Variants in CACNA1B observed in about 807,000 individuals in gnomAD.
CACNA1B encodes the protein calcium voltage-gated channel subunit alpha1 B.
CACNA1B carries 70 observed loss-of-function variants against 247.2 expected under a neutral mutation model. The observed-to-expected ratio is 0.28, with a 90% CI of 0.23 to 0.35. CACNA1B has a LOEUF of 0.35. CACNA1B is among the 10% of genes least tolerant of loss of function. The pLI is 1.00. For missense variants in CACNA1B, 2,367 were observed against 3,197.4 expected, an observed-to-expected ratio of 0.74 and a Z score of 6.26; for synonymous variants, 1,231 against 1,294.4, an observed-to-expected ratio of 0.95 and a Z score of 1.05.
chr9:138,101,245 A>G (rs764897468), intron 37 of CACNA1B: 7 of 501,552 alleles, frequency 1.4e-5, no homozygotes, highest in South Asian at 8.9e-5. Context: ...CCCTGCCCGA[A>G]ACGCACACAG....
rs1958184891 is a variant in CACNA1B at position 137,973,790 on chromosome 9, G to A, written c.1544-2117G>A. ...CTCAGAGTGGAGGCTGAGTATGTGAGGCTGAGGGCCTCTGTTCCTAGGGAG... is the reference window on the plus strand; with the variant it reads ...CTCAGAGTGGAGGCTGAGTATGTGAAGCTGAGGGCCTCTGTTCCTAGGGAG... On this transcript the variant is annotated intron_variant, in intron 11 of 46. Transcript: ENST00000371372. This position sits in a 1 kb window ranked among gnomAD's most constrained non-coding sequence, Gnocchi z 4.1. Among the ~76,000 whole-genome samples the A allele has an allele frequency of 6.6e-6, 1 of 152,214 alleles. No homozygotes were observed. Among genetic ancestry groups the A allele is most frequent in the Admixed American group, 6.5e-5 (1 of 15,288 alleles).
Position 138,054,572 on chromosome 9 carries a change from A to G in CACNA1B, c.3968+566A>G. On this transcript the variant is annotated intron_variant, in intron 26 of 46. Transcript: ENST00000371372. This position sits in a 1 kb window ranked among gnomAD's most constrained non-coding sequence, Gnocchi z 4.6. ...GCGTCCCAGCTGCTTCTGTGTGAAT[A>G]TCATGCAGCTTCCTCCTGTGCCGTG... 6.6e-6 allele frequency among the ~76,000 whole-genome samples: 1 copy of G among 152,254 alleles called. No individual in the cohort carries two copies. The highest frequency in any genetic ancestry group is 1.5e-5 in the Non-Finnish European group (1 of 68,044).
At position 137,955,785 on chromosome 9, in the gene CACNA1B, C is replaced by T. The variant is rs540276648; in HGVS notation, c.1158C>T (p.Asn386=). Residue 386 remains asparagine, a synonymous_variant, in exon 8 of 47, where the codon AAC becomes AAT. Coordinates refer to ENST00000371372, the MANE Select transcript of CACNA1B (RefSeq NM_000718.4). This position sits in a 1 kb window ranked among gnomAD's most constrained non-coding sequence, Gnocchi z 6.9. The part of the protein sequence containing the change: ...RRQQQIEREL[N]GYLEWIFKAE... ...AGCAGCAGATCGAGCGAGAGCTCAA[C>T]GGGTACCTGGAGTGGATCTTCAAGG... 4.3e-6 allele frequency: 7 copies of T among 1,610,670 alleles called. No individual in the cohort carries two copies. Among genetic ancestry groups the T allele is most frequent in the East Asian group, 2.2e-5 (1 of 44,734 alleles).
chr9:137,916,453 ACCC>A, intron 5 of CACNA1B, among the ~76,000 whole-genome samples: 1 of 151,790 alleles, frequency 6.6e-6, no homozygotes, highest in African/African-American at 2.4e-5. Context: ...TCTTTCTTTA[ACCC>A]CTCTTTCTCT....
chr9:138,032,134 A>G (rs761878028), intron 20 of CACNA1B, among the ~76,000 whole-genome samples: 5 of 151,292 alleles, frequency 3.3e-5, no homozygotes, highest in Admixed American at 6.6e-5. Context: ...TTTTATCTGT[A>G]GTATTTTTGA....
intron 3 of CACNA1B, among the ~76,000 whole-genome samples, chr9:137,897,221 G>A (rs1957182892): frequency 6.6e-6 from 1 of 151,794 alleles, no homozygotes; most frequent in Non-Finnish European, 1.5e-5. Context: ...CTGTTCTTGT[G>A]GCAAGAGCTT....
rs202018717 is a variant in CACNA1B, at chr9:138,115,624, G to A, written c.5722G>A (p.Ala1908Thr). ...EQTQPAVLRG[A>T]RVFLRQKSST... ...GACACAGCCGGCTGTGCTCCGAGGA[G>A]CCCGGGTTTTCCTTCGACAGAAGAG... The change falls in exon 42 of 47, where the codon GCC becomes ACC. Residue 1908 changes from alanine to threonine, a missense_variant. By Grantham distance (58) the Ala-to-Thr change is moderately conservative. Coordinates refer to ENST00000371372, the MANE Select transcript of CACNA1B (RefSeq NM_000718.4). 6.2e-6 allele frequency: 10 copies of A among 1,613,826 alleles called. No individual in the cohort carries two copies. In the East Asian group the frequency reaches 1.8e-4, roughly 29 times the overall value.
At chr9:137,931,066 A>C (rs1325119384) in intron 6 of CACNA1B, among the ~76,000 whole-genome samples, 1 of 152,120 alleles carries the variant, frequency 6.6e-6, no homozygotes, top group Non-Finnish European at 1.5e-5. Flanking sequence ...AATCTTCTAC[A>C]TTAGATGGTA....
intron 31 of CACNA1B, among the ~76,000 whole-genome samples, chr9:138,065,907 C>T (rs1959899660): frequency 6.6e-6 from 1 of 152,122 alleles, no homozygotes; most frequent in African/African-American, 2.4e-5. Context: ...CTACAGCACA[C>T]CAGGAGTTAC....
At position 137,992,891 on chromosome 9, in the gene CACNA1B, C is replaced by T. The variant is rs554547284; in HGVS notation, c.1974+6037C>T. ...TCAACTCCAAAGGCACCCACAAAAC[C>T]AGGCAAATACAGGGAAATTAAGCAA... is the stretch of plus-strand genomic sequence containing the variant. On this transcript the variant is annotated intron_variant, in intron 15 of 46. Transcript: ENST00000371372. 3.8e-4 allele frequency among the ~76,000 whole-genome samples: 58 copies of T among 152,024 alleles called. 1 individual carries two copies. The South Asian group carries it at 0.011, about 30-fold the overall frequency.
rs955806616 is a variant in CACNA1B, at chr9:137,899,596, G to A, written c.531-13584G>A. On this transcript the variant is annotated intron_variant, in intron 3 of 46. Coordinates refer to ENST00000371372, the MANE Select transcript of CACNA1B (RefSeq NM_000718.4). This position sits in a 1 kb window ranked among gnomAD's most constrained non-coding sequence, Gnocchi z 5.0. ...TTCTTGGCCTGTTAGAGCAGGGACT[G>A]GGGTGGGGAGGCCGAGGGGATGCTG... Among the ~76,000 whole-genome samples the A allele has an allele frequency of 2.6e-5, 4 of 152,206 alleles. No homozygotes were observed. Among genetic ancestry groups the A allele is most frequent in the African/African-American group, 9.6e-5 (4 of 41,456 alleles).
intron 31 of CACNA1B, among the ~76,000 whole-genome samples, chr9:138,066,770 A>G (rs1304624130): frequency 6.6e-6 from 1 of 152,234 alleles, no homozygotes; most frequent in African/African-American, 2.4e-5. Context: ...TACAGCCTTA[A>G]TGTTTATATT....
chr9:137,902,976 T>C (rs966737525), intron 3 of CACNA1B, among the ~76,000 whole-genome samples: 8 of 152,284 alleles, frequency 5.3e-5, no homozygotes, highest in Non-Finnish European at 7.3e-5. Context: ...GGTTATTTCC[T>C]ATTTTGCTTT....
At chr9:137,889,289 A>G (rs1588982368) in intron 3 of CACNA1B, among the ~76,000 whole-genome samples, 1 of 149,948 alleles carries the variant, frequency 6.7e-6, no homozygotes, top group Admixed American at 6.6e-5. Context: ...GAGGTGCAGC[A>G]CCCCGACCTC....
chr9:137,901,931 T>A (rs1371675423), intron 3 of CACNA1B, among the ~76,000 whole-genome samples: 1 of 152,114 alleles, frequency 6.6e-6, no homozygotes, highest in Non-Finnish European at 1.5e-5. Flanking sequence ...CCTCAAGTGA[T>A]CCACCCGCCT....
rs1162153819 is a variant in CACNA1B, at chr9:137,990,937, A to G, written c.1974+4083A>G. ...ACATCAAGGGAGCACCCCCAAGATAAGAGAACAGCAGCCCTTGAGTCGCAG... is the reference window on the plus strand; with the variant it reads ...ACATCAAGGGAGCACCCCCAAGATAGGAGAACAGCAGCCCTTGAGTCGCAG... On this transcript the variant is annotated intron_variant, in intron 15 of 46. Coordinates refer to ENST00000371372, the MANE Select transcript of CACNA1B (RefSeq NM_000718.4). This position sits in a 1 kb window ranked among gnomAD's most constrained non-coding sequence, Gnocchi z 4.5. Among the ~76,000 whole-genome samples the G allele has an allele frequency of 1.3e-5, 2 of 152,226 alleles. No homozygotes were observed. Among genetic ancestry groups the G allele is most frequent in the Admixed American group, 6.5e-5 (1 of 15,286 alleles).
rs985308016 is a variant in CACNA1B at position 138,073,901 on chromosome 9, G to A, written c.4792-100G>A. ...GGCCAGTGGGATGGAGCTTGAGTAGGCTGAGGTCTGTGTGACCTCAAAGGC... is the reference window on the plus strand; with the variant it reads ...GGCCAGTGGGATGGAGCTTGAGTAGACTGAGGTCTGTGTGACCTCAAAGGC... On this transcript the variant is annotated intron_variant, in intron 33 of 46. Coordinates refer to ENST00000371372, the MANE Select transcript of CACNA1B (RefSeq NM_000718.4). This position sits in a 1 kb window ranked among gnomAD's most constrained non-coding sequence, Gnocchi z 6.4. 1.1e-5 allele frequency: 10 copies of A among 899,300 alleles called. No individual in the cohort carries two copies. The highest frequency in any genetic ancestry group is 9.8e-5 in the African/African-American group (6 of 61,538). The allele number at this position is 899,300 out of a possible 1,614,324, so 55.7% of individuals were successfully genotyped here.
At chr9:137,893,390 C>A in intron 3 of CACNA1B, among the ~76,000 whole-genome samples, 1 of 149,892 alleles carries the variant, frequency 6.7e-6, no homozygotes, top group African/African-American at 2.5e-5. Context: ...GTGGCTCATG[C>A]CTGTAATCCC....
intron 6 of CACNA1B, among the ~76,000 whole-genome samples, chr9:137,943,429 G>A (rs1172191746): frequency 1.3e-5 from 2 of 152,152 alleles, no homozygotes; most frequent in Admixed American, 1.3e-4. Context: ...TAAAGAACGA[G>A]TCATTATCAC....
Sources: gnomAD v4.1 joint callset for allele counts (sites outside exome capture counted in the v4.1 genomes callset) on GRCh38, gnomAD v4.1.1 for gene constraint, Gnocchi (gnomAD v3.1) non-coding constraint, MANE v1.5 for transcripts, NCBI Gene and HGNC (gene_info 2026-07-23, HGNC 2026-07-21) for gene names.